SENP7: variants seen among roughly 807,000 people sequenced by gnomAD.
SENP7 encodes SUMO specific peptidase 7.
Under a neutral mutation model 141.2 loss-of-function variants are expected in SENP7, and 64 were observed. The observed-to-expected ratio is 0.45, with a 90% confidence interval of 0.37 to 0.56. SENP7 has a LOEUF of 0.56. Among genes scored for constraint, SENP7 ranks in the 20% least tolerant of loss-of-function variants. The probability of loss-of-function intolerance (pLI) is 0.00; values close to 1 mark genes in which losing one functional copy is unlikely to be tolerated. For synonymous variants in SENP7, 382 were observed against 426.4 expected (o/e 0.90, Z 1.28); for missense variants, 1,025 against 1,212.2 (o/e 0.85, Z 2.29).
At chr3:101,422,680 G>A (rs2061825924) in intron 4 of SENP7, among the ~76,000 whole-genome samples, 1 of 152,008 alleles carries the variant, frequency 6.6e-6, no homozygotes, top group Non-Finnish European at 1.5e-5. Context: ...AATTTTTTAT[G>A]AGGGGAAATG....
intron 5 of SENP7, among the ~76,000 whole-genome samples, chr3:101,402,828 G>A (rs908297610): frequency 6.6e-6 from 1 of 152,066 alleles, no homozygotes; most frequent in Non-Finnish European, 1.5e-5. Context: ...AGTCACCCAA[G>A]AGCTCTGATG....
rs189329766 is a variant in SENP7, at chr3:101,447,529, T to A, written c.284+11426A>T. Reference sequence around the variant, plus strand: ...AATAAGAAAGTATTTAGGAATAAACTTAACAAAAAAAAGTCAAAGACACAC... The same window carrying A: ...AATAAGAAAGTATTTAGGAATAAACATAACAAAAAAAAGTCAAAGACACAC... On this transcript the variant is annotated intron_variant, in intron 4 of 23. Transcript: ENST00000394095. 2.0e-5 allele frequency among the ~76,000 whole-genome samples: 3 copies of A among 152,046 alleles called. No homozygotes were observed. The East Asian group carries it at 5.8e-4, about 29-fold the overall frequency.
intron 4 of SENP7, among the ~76,000 whole-genome samples, chr3:101,450,296 C>G (rs1317002007): frequency 6.6e-6 from 1 of 151,866 alleles, no homozygotes; most frequent in Non-Finnish European, 1.5e-5. Flanking sequence ...CAACATTAGA[C>G]AGATCAACAA....
At chr3:101,332,157 C>A in intron 18 of SENP7, 48 bp from the exon 19 acceptor site, 1 of 1,562,410 alleles carries the variant, frequency 6.4e-7, no homozygotes, top group Non-Finnish European at 8.7e-7. Context: ...GTCTAAACAA[C>A]ATATAATATA....
intron 4 of SENP7, among the ~76,000 whole-genome samples, chr3:101,432,466 T>C (rs764147026): frequency 6.6e-6 from 1 of 152,160 alleles, no homozygotes; most frequent in Non-Finnish European, 1.5e-5. Context: ...CAGGGAGTAG[T>C]GACAGCAGGT....
Position 101,343,811 on chromosome 3 carries a change from A to G in SENP7, c.1981T>C (p.Phe661Leu), listed in dbSNP as rs1239326216. ...GAAGAGAGGTTCTGAAACAAAGGAA[A>G]TGCCTGAACCCAAGACAACGGGTAA... The part of the protein sequence containing the change: ...LSYPLSWVQA[F>L]PLFQNLSSKE... The change falls in exon 14 of 24, where the codon TTT (phenylalanine) becomes CTT (leucine). Residue 661 changes from phenylalanine (F) to leucine (L), a missense_variant. Phe to Leu is a conservative substitution (Grantham distance 22). Around this residue, in one of 4 missense-constraint regions of SENP7, gnomAD observed 295 missense variants for 459.1 expected, o/e 0.64. Coordinates refer to ENST00000394095, the MANE Select transcript of SENP7 (RefSeq NM_020654.5). 6.2e-7 allele frequency: 1 copy of G among 1,613,854 alleles called. No homozygotes were observed. Among genetic ancestry groups the G allele is most frequent in the African/African-American group, 1.3e-5 (1 of 74,920 alleles).
intron 1 of SENP7, among the ~76,000 whole-genome samples, chr3:101,509,465 G>A (rs547277144): frequency 2.6e-5 from 4 of 151,934 alleles, no homozygotes; most frequent in Non-Finnish European, 4.4e-5. Context: ...CTTTCTTCCC[G>A]AACCTGTCAC....
intron 13 of SENP7, among the ~76,000 whole-genome samples, chr3:101,345,418 T>TTAGCTATATTCCTCCTTGGC (rs949242383): frequency 7.2e-5 from 11 of 152,276 alleles, no homozygotes; most frequent in South Asian, 6.2e-4. Flanking sequence ...CTTGTAGAGG[T>TTAGCTATATTCCTCCTTGGC]TAGCTATATT....
intron 3 of SENP7, among the ~76,000 whole-genome samples, chr3:101,473,385 C>T (rs2064087754): frequency 6.6e-6 from 1 of 152,198 alleles, no homozygotes; most frequent in Admixed American, 6.5e-5. Flanking sequence ...TCCACAACCT[C>T]ACCACCATCT....
At chr3:101,331,470 T>TA (rs56780926) in intron 19 of SENP7, among the ~76,000 whole-genome samples, 122,847 of 137,302 alleles carry the variant, frequency 0.89, 54,978 homozygotes, top group East Asian at 0.95. Context: ...CAACGTCTCT[T>TA]AAAAAAAAAA....
At chr3:101,454,347 A>G (rs1426707321) in intron 4 of SENP7, among the ~76,000 whole-genome samples, 1 of 152,118 alleles carries the variant, frequency 6.6e-6, no homozygotes, top group Non-Finnish European at 1.5e-5. Context: ...CCTCAAATAT[A>G]CAAAAAACAG....
chr3:101,344,256 AAT>A (rs1479993751), intron 13 of SENP7, among the ~76,000 whole-genome samples: 3 of 152,166 alleles, frequency 2.0e-5, no homozygotes, highest in Non-Finnish European at 4.4e-5. Flanking sequence ...ATGAATAATT[AAT>A]AATTATTTTT....
At chr3:101,339,584 G>A (rs1005652028) in intron 16 of SENP7, among the ~76,000 whole-genome samples, 3 of 152,062 alleles carry the variant, frequency 2.0e-5, no homozygotes, top group Non-Finnish European at 2.9e-5. Context: ...CGGGCGTGGT[G>A]GCGGGCGCCT....
chr3:101,460,256 G>C (rs377038031), intron 3 of SENP7, among the ~76,000 whole-genome samples: 2 of 152,162 alleles, frequency 1.3e-5, no homozygotes, highest in South Asian at 2.1e-4. Flanking sequence ...CAATCTTGAA[G>C]AAGGAGAGCA....
intron 5 of SENP7, among the ~76,000 whole-genome samples, chr3:101,406,400 A>T (rs2061306595): frequency 6.6e-6 from 1 of 151,792 alleles, no homozygotes; most frequent in South Asian, 2.1e-4. Flanking sequence ...ACCTGGACAC[A>T]GGAAGGGGAA....
In SENP7 at chr3:101,340,150, C is replaced by T; in HGVS notation, c.2302G>A (p.Glu768Lys). 6.2e-7 allele frequency: 1 copy of T among 1,601,378 alleles called. No homozygotes were observed. The change falls in exon 16 of 24, where the codon GAG becomes AAG. Residue 768 changes from glutamate (E) to lysine (K), a missense_variant. Glu to Lys is a moderately conservative substitution (Grantham distance 56). This residue lies in a region of SENP7 where 295 missense variants were observed against 459.1 expected (regional missense o/e 0.64). Coordinates refer to ENST00000394095, the MANE Select transcript of SENP7 (RefSeq NM_020654.5). Reference sequence around the variant, plus strand: ...AGAAACTCTCCTTCTTCTAAACACTCCAGATCTTCATTAGTTACTCCTAAT... The same window carrying T: ...AGAAACTCTCCTTCTTCTAAACACTTCAGATCTTCATTAGTTACTCCTAAT... The part of the protein sequence containing the change: ...GGLGVTNEDL[E>K]CLEEGEFLND...
chr3:101,328,562 G>A lies in SENP7; in HGVS notation c.2796-16C>T. ...AATACATGGCCTATGAAAAGCAAAGGACAAAATCAAGATTTACATACTTGT... is the reference window on the plus strand; with the variant it reads ...AATACATGGCCTATGAAAAGCAAAGAACAAAATCAAGATTTACATACTTGT... On this transcript the variant is annotated splice_polypyrimidine_tract_variant and intron_variant, in intron 21 of 23. Transcript: ENST00000394095. 1 of 1,610,374 alleles carries A rather than the reference G, an allele frequency of 6.2e-7. No individual in the cohort carries two copies. The highest frequency in any genetic ancestry group is 8.5e-7 in the Non-Finnish European group (1 of 1,177,288).
At chr3:101,334,145 C>A (rs936569066) in intron 17 of SENP7, among the ~76,000 whole-genome samples, 2 of 152,148 alleles carry the variant, frequency 1.3e-5, no homozygotes, top group Non-Finnish European at 2.9e-5. Flanking sequence ...TCCTAACAGG[C>A]CACAGACTGG....
intron 2 of SENP7, among the ~76,000 whole-genome samples, chr3:101,499,552 TGG>T (rs2065292415): frequency 7.2e-6 from 1 of 139,090 alleles, no homozygotes; most frequent in African/African-American, 2.7e-5. Flanking sequence ...TTTTTTTTCT[TGG>T]AGACAGAGTC....
Sources: gnomAD v4.1 joint callset for allele counts (sites outside exome capture counted in the v4.1 genomes callset) on GRCh38, gnomAD v4.1.1 for gene constraint, gnomAD v4.1.1 regional missense constraint, MANE v1.5 for transcripts, NCBI Gene and HGNC (gene_info 2026-07-23, HGNC 2026-07-21) for gene names.